Variants in SGTB observed in about 807,000 individuals in gnomAD.
The protein encoded by SGTB is small glutamine rich tetratricopeptide repeat co-chaperone beta, also known as small glutamine-rich tetratricopeptide repeat-containing protein beta.
SGTB carries 19 observed loss-of-function variants against 43.9 expected under a neutral mutation model. The observed-to-expected ratio is 0.43, with a 90% CI of 0.30 to 0.63. The LOEUF is 0.63. SGTB is among the 30% of genes least tolerant of loss of function. The pLI, the probability that SGTB is intolerant of heterozygous loss-of-function variation, is 0.12. For synonymous variants in SGTB, 116 were observed against 117.3 expected, an observed-to-expected ratio of 0.99 and a Z score of 0.07; for missense variants, 304 against 358.9, an observed-to-expected ratio of 0.85 and a Z score of 1.24.
At chr5:65,705,621 T>C (rs10075674) in intron 4 of SGTB, among the ~76,000 whole-genome samples, 3,920 of 152,182 alleles carry the variant, frequency 0.026, 165 homozygotes, top group African/African-American at 0.09. Flanking sequence ...GAGTGGGGCA[T>C]AAATTTCCAA....
At chr5:65,675,166 G>A (rs564405108) in intron 8 of SGTB, among the ~76,000 whole-genome samples, 2 of 152,268 alleles carry the variant, frequency 1.3e-5, no homozygotes, top group African/African-American at 2.4e-5. Flanking sequence ...GGACCAGAGC[G>A]TGTATGTTCT....
intron 5 of SGTB, among the ~76,000 whole-genome samples, chr5:65,700,165 T>TGGTCTAGTTAGACTA (rs1757785005): frequency 6.6e-6 from 1 of 152,212 alleles, no homozygotes; most frequent in Admixed American, 6.5e-5. Flanking sequence ...ACAAGACTGT[T>TGGTCTAGTTAGACTA]GGTCTAGTTA....
intron 2 of SGTB, among the ~76,000 whole-genome samples, chr5:65,713,530 C>CTGGT (rs1258683385): frequency 6.6e-6 from 1 of 151,990 alleles, no homozygotes; most frequent in Non-Finnish European, 1.5e-5. Context: ...GTTGCCCAGG[C>CTGGT]TGGTCTCAAA....
chr5:65,709,060 A>T (rs1457889670), intron 3 of SGTB, among the ~76,000 whole-genome samples: 2 of 151,976 alleles, frequency 1.3e-5, no homozygotes, highest in African/African-American at 4.8e-5. Flanking sequence ...AAATAAGAAT[A>T]TGAAGAATAT....
chr5:65,694,382 A>C (rs1025847219), intron 5 of SGTB, among the ~76,000 whole-genome samples: 2 of 152,166 alleles, frequency 1.3e-5, no homozygotes, highest in African/African-American at 4.8e-5. Context: ...CAGTGAGCCA[A>C]GATCGTGCCA....
intron 3 of SGTB, 42 bp from the exon 4 acceptor site, chr5:65,708,600 T>C: frequency 2.7e-6 from 4 of 1,498,956 alleles, no homozygotes; most frequent in Non-Finnish European, 2.8e-6. Context: ...TTTAGCTACA[T>C]AAAGAATCAT....
intron 3 of SGTB, 24 bp from the exon 4 acceptor site, chr5:65,708,582 C>A (rs758794165): frequency 3.8e-6 from 6 of 1,591,506 alleles, no homozygotes; most frequent in Non-Finnish European, 2.6e-6. Context: ...AAAATCAATG[C>A]ACTTCCCTTT....
chr5:65,682,158 G>A (rs892243865), intron 6 of SGTB, among the ~76,000 whole-genome samples: 2 of 152,158 alleles, frequency 1.3e-5, no homozygotes, highest in African/African-American at 4.8e-5. Flanking sequence ...AAATGAGGGA[G>A]GAGCATTGTA....
At position 65,694,167 on chromosome 5, in the gene SGTB, C is replaced by A. The variant is rs142588988; in HGVS notation, c.375-8695G>T. On this transcript the variant is annotated intron_variant, in intron 5 of 10. Transcript: ENST00000381007. ...TAAGAAGACCAGGCGCAGTGGCTCACACGTGTAATCCCAGCACTTTGGGAG... is the reference window on the plus strand; with the variant it reads ...TAAGAAGACCAGGCGCAGTGGCTCAAACGTGTAATCCCAGCACTTTGGGAG... Among the ~76,000 whole-genome samples, 1,381 of 152,226 alleles carry A rather than the reference C, an allele frequency of 9.1e-3. 16 individuals are homozygous for A. The highest frequency in any genetic ancestry group is 0.015 in the Non-Finnish European group (999 of 68,016).
At chr5:65,682,800 T>C (rs1296566972) in intron 6 of SGTB, among the ~76,000 whole-genome samples, 1 of 152,112 alleles carries the variant, frequency 6.6e-6, no homozygotes, top group Admixed American at 6.6e-5. Context: ...TTCAAACATA[T>C]AAATTAGATC....
intron 5 of SGTB, among the ~76,000 whole-genome samples, chr5:65,699,412 T>C (rs991842593): frequency 6.6e-6 from 1 of 152,170 alleles, no homozygotes; most frequent in African/African-American, 2.4e-5. Context: ...AGATGAGAGA[T>C]AAAAAACTAC....
intron 5 of SGTB, among the ~76,000 whole-genome samples, chr5:65,701,630 A>ATT (rs35304663): frequency 0.03 from 3,800 of 126,456 alleles, 189 homozygotes; most frequent in African/African-American, 0.1. Context: ...TTTAAATTAA[A>ATT]TTTTTTTTTT....
chr5:65,721,400 C>T (rs1758274763), intron 1 of SGTB, among the ~76,000 whole-genome samples: 1 of 152,150 alleles, frequency 6.6e-6, no homozygotes, highest in Non-Finnish European at 1.5e-5. Flanking sequence ...CTGCCCAAGT[C>T]GATGGATACT....
chr5:65,690,444 C>G lies in SGTB; in HGVS notation c.375-4972G>C, dbSNP rs539695830. ...ACAAAGCAAGAGTCTGTCCTCCTCA[C>G]CCCCCTAAAAAAGGTAGCAGAAAAC... On this transcript the variant is annotated intron_variant, in intron 5 of 10. Transcript: ENST00000381007. Among the ~76,000 whole-genome samples the G allele has an allele frequency of 2.6e-5, 4 of 152,126 alleles. No individual in the cohort carries two copies. The East Asian group carries it at 7.7e-4, about 29-fold the overall frequency.
At chr5:65,706,592 G>A (rs1753254625) in intron 4 of SGTB, among the ~76,000 whole-genome samples, 1 of 152,192 alleles carries the variant, frequency 6.6e-6, no homozygotes, top group Admixed American at 6.5e-5. Context: ...GGCACTTTGG[G>A]AGGCCGAGGT....
chr5:65,694,114 T>A (rs1757669923), intron 5 of SGTB, among the ~76,000 whole-genome samples: 1 of 152,078 alleles, frequency 6.6e-6, no homozygotes, highest in South Asian at 2.1e-4. Flanking sequence ...CATAGGGGCA[T>A]GGTCAGGAGG....
intron 8 of SGTB, among the ~76,000 whole-genome samples, chr5:65,674,991 A>G (rs1581244809): frequency 6.6e-6 from 1 of 152,236 alleles, no homozygotes. Flanking sequence ...TAATGGATGC[A>G]AGACACATTT....
At chr5:65,682,689 T>C (rs1757420266) in intron 6 of SGTB, among the ~76,000 whole-genome samples, 1 of 152,172 alleles carries the variant, frequency 6.6e-6, no homozygotes, top group South Asian at 2.1e-4. Flanking sequence ...TGGAAAGATT[T>C]TGGAAGGGAA....
intron 2 of SGTB, among the ~76,000 whole-genome samples, chr5:65,715,079 C>A (rs1306577583): frequency 6.6e-6 from 1 of 152,134 alleles, no homozygotes; most frequent in South Asian, 2.1e-4. Context: ...GGAACTCAGG[C>A]CTGTCTCGTT....
Sources: allele counts gnomAD v4.1 joint callset (sites outside exome capture counted in the v4.1 genomes callset), GRCh38; gene constraint gnomAD v4.1.1; transcripts MANE v1.5; gene names NCBI Gene and HGNC (gene_info 2026-07-23, HGNC 2026-07-21).